The following RPS6KC1 variants were observed in gnomAD, a reference collection of about 807,000 sequenced individuals.
RPS6KC1 encodes the protein inactive ribosomal protein S6 kinase delta-1.
In RPS6KC1, 54 loss-of-function variants were observed where a neutral mutation model predicts 103.8. The ratio of observed to expected loss-of-function variants is 0.52; its 90% CI spans 0.42 to 0.65. RPS6KC1 has a LOEUF of 0.65. RPS6KC1 is among the 30% of genes least tolerant of loss of function. The pLI is 0.00. For synonymous variants in RPS6KC1, 439 were observed against 438.7 expected, an observed-to-expected ratio of 1.00 and a Z score of -0.01; for missense variants, 1,151 against 1,253.8, an observed-to-expected ratio of 0.92 and a Z score of 1.24.
chr1:213,503,066 T>TC, the RPS6KC1 span, among the ~76,000 whole-genome samples: 1 of 151,962 alleles, frequency 6.6e-6, no homozygotes, highest in Non-Finnish European at 1.5e-5. Context: ...AAAAGTGGCT[T>TC]TTTTTTTCTT....
At chr1:213,107,631 T>A (rs1239036500) in intron 4 of RPS6KC1, among the ~76,000 whole-genome samples, 1 of 152,240 alleles carries the variant, frequency 6.6e-6, no homozygotes, top group Non-Finnish European at 1.5e-5. Flanking sequence ...TACAAATCTT[T>A]GTGTGGATAT....
chr1:213,128,652 G>A (rs2085261239), intron 5 of RPS6KC1, among the ~76,000 whole-genome samples: 1 of 152,112 alleles, frequency 6.6e-6, no homozygotes, highest in African/African-American at 2.4e-5. Context: ...CCAGAAGCTT[G>A]TAGAAGAGGC....
chr1:213,299,755 GTAAGTTTCATACT>G, the RPS6KC1 span, among the ~76,000 whole-genome samples: 1 of 152,088 alleles, frequency 6.6e-6, no homozygotes, highest in Non-Finnish European at 1.5e-5. Flanking sequence ...AAGGTCCAGT[GTAAGTTTCATACT>G]TACAACACAG....
chr1:213,307,330 C>T, the RPS6KC1 span, among the ~76,000 whole-genome samples: 1 of 151,918 alleles, frequency 6.6e-6, no homozygotes, highest in African/African-American at 2.4e-5. Context: ...GGATTACAAG[C>T]GTGAGTCGCC....
At chr1:213,800,593 C>T in the RPS6KC1 span, among the ~76,000 whole-genome samples, 6 of 152,106 alleles carry the variant, frequency 3.9e-5, no homozygotes, top group African/African-American at 9.7e-5. Context: ...CTGTCCCATA[C>T]GTAGGACACC....
intron 6 of RPS6KC1, among the ~76,000 whole-genome samples, chr1:213,153,757 A>C (rs548243526): frequency 2.0e-5 from 3 of 152,186 alleles, no homozygotes; most frequent in African/African-American, 7.2e-5. Flanking sequence ...CTTGTAGGAC[A>C]GGTCTGATAT....
chr1:213,409,245 C>T, the RPS6KC1 span, among the ~76,000 whole-genome samples: 2 of 151,922 alleles, frequency 1.3e-5, no homozygotes, highest in Non-Finnish European at 2.9e-5. Flanking sequence ...CGGTTTTTGC[C>T]ATTACTTTCA....
At chr1:213,557,946 A>G in the RPS6KC1 span, among the ~76,000 whole-genome samples, 1 of 152,196 alleles carries the variant, frequency 6.6e-6, no homozygotes. Context: ...TATGCTGCTC[A>G]TGTTCCCTAA....
chr1:213,474,624 G>A, the RPS6KC1 span, among the ~76,000 whole-genome samples: 2 of 152,044 alleles, frequency 1.3e-5, no homozygotes, highest in East Asian at 3.9e-4. Context: ...TGGTGATTTC[G>A]TCTTTTTGGT....
chr1:213,278,587 T>G (rs976217656), downstream of RPS6KC1, among the ~76,000 whole-genome samples: 3 of 152,230 alleles, frequency 2.0e-5, no homozygotes, highest in Middle Eastern at 3.2e-3. Flanking sequence ...GACCGTATGC[T>G]TCTACTGCTC....
chr1:213,643,917 A>G, the RPS6KC1 span, among the ~76,000 whole-genome samples: 2 of 152,000 alleles, frequency 1.3e-5, no homozygotes, highest in African/African-American at 2.4e-5. Flanking sequence ...TAAACCCATT[A>G]ATTATTTTCT....
chr1:213,294,396 T>G, the RPS6KC1 span, among the ~76,000 whole-genome samples: 1,719 of 152,298 alleles, frequency 0.011, 35 homozygotes, highest in African/African-American at 0.039. Context: ...GATCAGATTT[T>G]GGTTTGTTCG....
At chr1:213,545,452 A>C in the RPS6KC1 span, among the ~76,000 whole-genome samples, 1 of 148,574 alleles carries the variant, frequency 6.7e-6, no homozygotes, top group Non-Finnish European at 1.5e-5. Flanking sequence ...AGAGAGAGAG[A>C]ATCTATTTCA....
the RPS6KC1 span, among the ~76,000 whole-genome samples, chr1:213,614,045 T>C: frequency 6.6e-6 from 1 of 152,198 alleles, no homozygotes; most frequent in East Asian, 1.9e-4. Context: ...TGATCCTCAT[T>C]ATTTCTGGAC....
At position 213,273,734 on chromosome 1, in the gene RPS6KC1, C is replaced by T. The variant is rs541702572; in HGVS notation, c.*1100C>T. ...AAAGAATGTAAGTATTCACACATCT[C>T]CAAACATTTGTATTTGTTACTTCTT... On this transcript the variant is annotated 3_prime_UTR_variant, in exon 15 of 15. Transcript: ENST00000366960. The T allele has an allele frequency of 6.6e-6, 1 of 152,310 alleles. No individual in the cohort carries two copies. Among genetic ancestry groups the T allele is most frequent in the African/African-American group, 2.4e-5 (1 of 41,560 alleles). The allele number at this position is 152,310 out of a possible 1,614,324, so 9.4% of individuals were successfully genotyped here.
the RPS6KC1 span, among the ~76,000 whole-genome samples, chr1:213,676,454 T>C: frequency 6.6e-6 from 1 of 152,230 alleles, no homozygotes; most frequent in Non-Finnish European, 1.5e-5. Context: ...ACTGCATACG[T>C]GGGAGGAGAA....
At chr1:213,545,184 G>T in the RPS6KC1 span, among the ~76,000 whole-genome samples, 2 of 151,948 alleles carry the variant, frequency 1.3e-5, no homozygotes, top group Non-Finnish European at 2.9e-5. Context: ...TGGCCATCAT[G>T]GCGAAAACCC....
intron 6 of RPS6KC1, among the ~76,000 whole-genome samples, chr1:213,151,229 C>G (rs1394178975): frequency 1.7e-5 from 2 of 119,428 alleles, no homozygotes; most frequent in African/African-American, 3.2e-5. Flanking sequence ...CTGACCCCCC[C>G]ACCTCCCTCC....
chr1:213,624,956 CT>C, the RPS6KC1 span, among the ~76,000 whole-genome samples: 3 of 152,086 alleles, frequency 2.0e-5, no homozygotes, highest in Admixed American at 6.5e-5. Context: ...AGCATGTTCC[CT>C]CTTAAAAGTT....
Sources: gnomAD v4.1 joint callset for allele counts (sites outside exome capture counted in the v4.1 genomes callset) on GRCh38, gnomAD v4.1.1 for gene constraint, MANE v1.5 for transcripts, NCBI Gene and HGNC (gene_info 2026-07-23, HGNC 2026-07-21) for gene names.